The following AP2A2 variants were observed in gnomAD, a reference collection of about 807,000 sequenced individuals.
AP2A2 encodes adaptor related protein complex 2 subunit alpha 2, also known as AP-2 complex subunit alpha-2.
Under a neutral mutation model 104.2 loss-of-function variants are expected in AP2A2, and 32 were observed. The observed-to-expected ratio is 0.31, with a 90% CI of 0.23 to 0.41. The LOEUF is 0.41. Among genes scored for constraint, AP2A2 ranks in the 10% least tolerant of loss-of-function variants. AP2A2 has a pLI of 1.00. For synonymous variants in AP2A2, 539 were observed against 533.3 expected (o/e 1.01, Z -0.15); for missense variants, 912 against 1,261.0 (o/e 0.72, Z 4.19).
chr11:939,951 CTTTTTT>C (rs145184268), intron 1 of AP2A2, among the ~76,000 whole-genome samples: 6 of 106,036 alleles, frequency 5.7e-5, no homozygotes, highest in Non-Finnish European at 7.4e-5. Context: ...GTTTTGCTTA[CTTTTTT>C]TTTTTTTTTT....
chr11:977,315 G>A, intron 5 of AP2A2, 91 bp downstream of exon 5: 4 of 1,473,904 alleles, frequency 2.7e-6, no homozygotes, highest in Non-Finnish European at 3.6e-6. Flanking sequence ...TTCTCGGGAT[G>A]CCCAGGAGAG....
intron 14 of AP2A2, among the ~76,000 whole-genome samples, chr11:997,632 T>C (rs987538852): frequency 7.9e-5 from 12 of 152,306 alleles, no homozygotes; most frequent in South Asian, 4.1e-4. Context: ...TGGCTGGGCA[T>C]GGTGGCTCAC....
rs558704004 is a variant in AP2A2 at position 1,011,877 on chromosome 11, A to G, written c.*1252A>G. On this transcript the variant is annotated 3_prime_UTR_variant, in exon 22 of 22. Transcript: ENST00000448903. ...CTCCCCTGCAGTGTGTGCACCCCACAATGTCTGCGGCTCTTCTTCCGGCGT... is the reference window on the plus strand; with the variant it reads ...CTCCCCTGCAGTGTGTGCACCCCACGATGTCTGCGGCTCTTCTTCCGGCGT... 80 of 207,144 alleles carry G rather than the reference A, an allele frequency of 3.9e-4. 1 individual carries two copies. In the South Asian group the frequency reaches 5.9e-3, roughly 15 times the overall value. 12.8% of individuals were successfully genotyped at this position (207,144 alleles called of 1,614,324 possible).
chr11:1,005,540 T>TA (rs1454784495), intron 16 of AP2A2, among the ~76,000 whole-genome samples: 2 of 152,140 alleles, frequency 1.3e-5, no homozygotes, highest in Non-Finnish European at 2.9e-5. Context: ...CCTTTGAGTG[T>TA]AAAAAAATGC....
chr11:1,006,463 CA>C (rs1315698156), intron 16 of AP2A2, 64 bp from the exon 17 acceptor site: 13 of 1,141,492 alleles, frequency 1.1e-5, no homozygotes, highest in Admixed American at 5.9e-5. Context: ...TCTTGTTTTT[CA>C]GGGTAAATAT....
chr11:992,695 G>A lies in AP2A2; in HGVS notation c.1452+10G>A, dbSNP rs752017034. 10 of 1,613,470 alleles carry A rather than the reference G, an allele frequency of 6.2e-6. No homozygotes were observed. Among genetic ancestry groups the A allele is most frequent in the Non-Finnish European group, 4.2e-6 (5 of 1,179,776 alleles). Reference sequence around the variant, plus strand: ...CAAGACTGTGTTCGAGGTATGGCCCGCAGGATGGCAGGAAGGATGGGGTGG... The same window carrying A: ...CAAGACTGTGTTCGAGGTATGGCCCACAGGATGGCAGGAAGGATGGGGTGG... On this transcript the variant is annotated intron_variant, in intron 11 of 21. Coordinates refer to ENST00000448903, the MANE Select transcript of AP2A2 (RefSeq NM_012305.4). The surrounding 1 kb of genome is among the most constrained non-coding windows in gnomAD (Gnocchi z 6.4).
chr11:969,967 A>C (rs1163213442), intron 2 of AP2A2, among the ~76,000 whole-genome samples: 1 of 152,076 alleles, frequency 6.6e-6, no homozygotes, highest in Non-Finnish European at 1.5e-5. Flanking sequence ...GGAAATAAAA[A>C]ACTTGGACTC....
rs779444096 is a variant in AP2A2, at chr11:926,072, C to T, written c.51C>T (p.Ile17=). The change falls in exon 1 of 22, where the codon ATC becomes ATT. Residue 17 remains isoleucine, a synonymous_variant. Transcript: ENST00000448903. ...GGATGCGGGGCCTGGCGGTCTTCAT[C>T]TCGGATATCCGCAACTGTGAGTGGC... ...GDGMRGLAVF[I]SDIRNCKSKE... 15 of 1,367,764 alleles carry T rather than the reference C, an allele frequency of 1.1e-5. No individual in the cohort carries two copies. The South Asian group carries it at 2.5e-4, about 23-fold the overall frequency. 84.7% of individuals were successfully genotyped at this position (1,367,764 alleles called of 1,614,324 possible).
At chr11:935,603 G>GTTTTTTTTTGTTTTTT (rs1853429194) in intron 1 of AP2A2, among the ~76,000 whole-genome samples, 1 of 77,988 alleles carries the variant, frequency 1.3e-5, no homozygotes, top group African/African-American at 4.7e-5. Flanking sequence ...TGCCCGGCCA[G>GTTTTTTTTTGTTTTTT]TTTTTTTTTT....
rs536303526 is a variant in AP2A2 at position 993,687 on chromosome 11, C to G, written c.1551-67C>G. 2 of 1,288,606 alleles carry G rather than the reference C, an allele frequency of 1.6e-6. No homozygotes were observed. Among genetic ancestry groups the G allele is most frequent in the East Asian group, 2.5e-5 (1 of 39,284 alleles). 79.8% of individuals were successfully genotyped at this position (1,288,606 alleles called of 1,614,324 possible). A position where few individuals can be genotyped will look rare whatever the true frequency, so the allele number is the denominator to read the frequency against. On this transcript the variant is annotated intron_variant, in intron 12 of 21. Transcript: ENST00000448903. The surrounding 1 kb of genome is among the most constrained non-coding windows in gnomAD (Gnocchi z 8.2). ...AGGGGGTCTCGCCGCCGTCCCCCCC[C>G]CGCGGGGGCGTGCTGCAGCCTGCGA...
chr11:931,618 C>G (rs1853294523), intron 1 of AP2A2, among the ~76,000 whole-genome samples: 1 of 152,056 alleles, frequency 6.6e-6, no homozygotes, highest in African/African-American at 2.4e-5. Context: ...TTTCTTTAAC[C>G]CCCCCAGGTC....
At chr11:949,531 C>G (rs1853966451) in intron 1 of AP2A2, among the ~76,000 whole-genome samples, 1 of 152,178 alleles carries the variant, frequency 6.6e-6, no homozygotes, top group Non-Finnish European at 1.5e-5. Flanking sequence ...AATCCCAGCA[C>G]TTTCGGAGGC....
At chr11:976,651 T>G in intron 4 of AP2A2, among the ~76,000 whole-genome samples, 2 of 150,812 alleles carry the variant, frequency 1.3e-5, no homozygotes, top group Non-Finnish European at 1.5e-5. Flanking sequence ...GGCAAGGGCA[T>G]GTGTGGCCCA....
chr11:976,808 A>G (rs1855055944), intron 4 of AP2A2, among the ~76,000 whole-genome samples: 1 of 152,366 alleles, frequency 6.6e-6, no homozygotes, highest in African/African-American at 2.4e-5. Context: ...AACAACAACA[A>G]CAAGAAAGCT....
At position 1,011,133 on chromosome 11, in the gene AP2A2, A is replaced by G. The variant is rs762303213; in HGVS notation, c.*508A>G. ...CTGGTTTTGCTGCAGTCCCAGCTGG[A>G]CTGTTTTCCCAGGCAGGATTTTAAT... On this transcript the variant is annotated 3_prime_UTR_variant, in exon 22 of 22. Coordinates refer to ENST00000448903, the MANE Select transcript of AP2A2 (RefSeq NM_012305.4). 2 of 566,136 alleles carry G rather than the reference A, an allele frequency of 3.5e-6. No individual in the cohort carries two copies. The highest frequency in any genetic ancestry group is 2.8e-5 in the South Asian group (2 of 71,892). 35.1% of individuals were successfully genotyped at this position (566,136 alleles called of 1,614,324 possible).
chr11:990,173 G>A (rs1274194766), intron 10 of AP2A2, among the ~76,000 whole-genome samples: 3 of 152,206 alleles, frequency 2.0e-5, no homozygotes, highest in Non-Finnish European at 4.4e-5. Flanking sequence ...GCCAGGAGGC[G>A]GCTCTCACGC....
intron 1 of AP2A2, chr11:940,691 G>A: frequency 2.6e-6 from 1 of 391,106 alleles, no homozygotes; most frequent in African/African-American, 2.1e-5. Flanking sequence ...CTTTTGTGTA[G>A]GTTTGTTTGG....
chr11:964,727 C>G (rs1428032865), intron 2 of AP2A2, among the ~76,000 whole-genome samples: 2 of 151,650 alleles, frequency 1.3e-5, no homozygotes, highest in Non-Finnish European at 2.9e-5. Context: ...CTGCCGAAGA[C>G]AGAAATGGAA....
Position 970,276 on chromosome 11 carries a change from C to T in AP2A2, c.244C>T (p.Leu82=). The T allele has an allele frequency of 1.2e-6, 2 of 1,613,904 alleles. No individual in the cohort carries two copies. Among genetic ancestry groups the T allele is most frequent in the Non-Finnish European group, 1.7e-6 (2 of 1,179,830 alleles). The change falls in exon 3 of 22, where the codon CTG becomes TTG. Residue 82 remains leucine, a synonymous_variant. Coordinates refer to ENST00000448903, the MANE Select transcript of AP2A2 (RefSeq NM_012305.4). ...IDFGHMEAVN[L]LSSNRYTEKQ... is the part of the protein sequence containing the mutation. ...CTTTGGACACATGGAGGCTGTGAACCTGCTGAGTTCAAACAGATACACGGA... is the reference window on the plus strand; with the variant it reads ...CTTTGGACACATGGAGGCTGTGAACTTGCTGAGTTCAAACAGATACACGGA...
Sources: gnomAD v4.1 joint callset for allele counts (sites outside exome capture counted in the v4.1 genomes callset) on GRCh38, gnomAD v4.1.1 for gene constraint, Gnocchi (gnomAD v3.1) non-coding constraint, MANE v1.5 for transcripts, NCBI Gene and HGNC (gene_info 2026-07-23, HGNC 2026-07-21) for gene names.